Variants in JAM2 observed in about 807,000 individuals in gnomAD.
JAM2 encodes junctional adhesion molecule B.
A neutral mutation model predicts 42.0 loss-of-function variants in JAM2; 17 were observed. The observed-to-expected ratio is 0.40, with a 90% CI of 0.28 to 0.61. The LOEUF is 0.61. JAM2 is among the 20% of genes least tolerant of loss of function. JAM2 has a pLI of 0.37. For synonymous variants in JAM2, 118 were observed against 128.6 expected (o/e 0.92, Z 0.56); for missense variants, 319 against 358.3 (o/e 0.89, Z 0.89).
At chr21:25,669,285 C>G (rs73161729) in intron 1 of JAM2, among the ~76,000 whole-genome samples, 14,879 of 151,722 alleles carry the variant, frequency 0.098, 868 homozygotes, top group Middle Eastern at 0.15. Flanking sequence ...GGTGGGGGAT[C>G]ACCTGAGCCC....
chr21:25,647,398 A>G (rs375536985), intron 1 of JAM2, among the ~76,000 whole-genome samples: 1 of 152,220 alleles, frequency 6.6e-6, no homozygotes, highest in African/African-American at 2.4e-5. Flanking sequence ...AGAAATAAAG[A>G]TCACAATTTA....
At chr21:25,655,738 C>A (rs184370817) in intron 1 of JAM2, among the ~76,000 whole-genome samples, 1 of 149,378 alleles carries the variant, frequency 6.7e-6, no homozygotes, top group African/African-American at 2.5e-5. Context: ...TCAGGTGATC[C>A]GCCTGCCTTG....
intron 5 of JAM2, among the ~76,000 whole-genome samples, chr21:25,701,693 G>A (rs1270932087): frequency 6.6e-6 from 1 of 152,162 alleles, no homozygotes; most frequent in Non-Finnish European, 1.5e-5. Flanking sequence ...TAGGCCCTAA[G>A]CTACTTCCTG....
intron 1 of JAM2, among the ~76,000 whole-genome samples, chr21:25,667,767 C>T (rs989442095): frequency 5.9e-5 from 9 of 152,176 alleles, no homozygotes; most frequent in African/African-American, 2.2e-4. Flanking sequence ...AAGCATTGTT[C>T]TTCGCCCTTG....
At chr21:25,663,809 C>A (rs1423204581) in intron 1 of JAM2, among the ~76,000 whole-genome samples, 1 of 152,118 alleles carries the variant, frequency 6.6e-6, no homozygotes, top group Non-Finnish European at 1.5e-5. Flanking sequence ...ATAAATTACC[C>A]CATTTCAGGT....
At chr21:25,706,165 G>A (rs1245941578) in intron 7 of JAM2, 79 bp downstream of exon 7, 2 of 958,024 alleles carry the variant, frequency 2.1e-6, no homozygotes, top group Non-Finnish European at 3.4e-6. Flanking sequence ...TTTCTCCTAG[G>A]AAGTTGTTTT....
chr21:25,709,577 A>C, intron 8 of JAM2, 128 bp downstream of exon 8: 3 of 557,466 alleles, frequency 5.4e-6, no homozygotes. Context: ...GAAGTTACTC[A>C]AGTTTATCAA....
intron 1 of JAM2, among the ~76,000 whole-genome samples, chr21:25,670,904 G>C (rs554816007): frequency 3.0e-4 from 45 of 152,166 alleles, no homozygotes; most frequent in Non-Finnish European, 5.9e-4. Context: ...ACTAATCAAA[G>C]GAAGCATGAA....
intron 4 of JAM2, among the ~76,000 whole-genome samples, chr21:25,697,160 G>C (rs1022558874): frequency 6.6e-6 from 1 of 151,880 alleles, no homozygotes; most frequent in African/African-American, 2.4e-5. Flanking sequence ...CTTGTGCCTT[G>C]AATATCTGAC....
intron 1 of JAM2, among the ~76,000 whole-genome samples, chr21:25,657,889 C>A (rs2032981798): frequency 6.6e-6 from 1 of 151,994 alleles, no homozygotes; most frequent in Non-Finnish European, 1.5e-5. Context: ...TAGAACAGAG[C>A]CTGTTTTGGA....
At chr21:25,665,900 C>T (rs2033206204) in intron 1 of JAM2, among the ~76,000 whole-genome samples, 2 of 151,974 alleles carry the variant, frequency 1.3e-5, no homozygotes, top group South Asian at 2.1e-4. Flanking sequence ...ATGAGCCAGG[C>T]GTGGTGGTGC....
chr21:25,698,995 A>G, intron 5 of JAM2, 116 bp downstream of exon 5: 1 of 860,664 alleles, frequency 1.2e-6, no homozygotes, highest in East Asian at 2.6e-5. Context: ...AAGTGGAGAG[A>G]GGCAGGGGCA....
chr21:25,702,360 G>C, intron 6 of JAM2, 91 bp downstream of exon 6: 1 of 658,720 alleles, frequency 1.5e-6, no homozygotes, highest in Non-Finnish European at 2.6e-6. Context: ...AGCAGGAAAT[G>C]TCTGAGTGAC....
rs771511533 is a variant in JAM2, at chr21:25,693,827, G to C, written c.313G>C (p.Gly105Arg). ...CAAAAATGTGACAAGAAGTGATGCGGGGAAATATCGTTGTGAAGTTAGTGC... is the reference window on the plus strand; with the variant it reads ...CAAAAATGTGACAAGAAGTGATGCGCGGAAATATCGTTGTGAAGTTAGTGC... The part of the protein sequence containing the change: ...RIKNVTRSDA[G>R]KYRCEVSAPS... The change falls in exon 4 of 10, where the codon GGG (glycine) becomes CGG (arginine). Residue 105 changes from glycine to arginine, a missense_variant. Gly to Arg is a moderately radical substitution (Grantham distance 125). Transcript: ENST00000480456. 1.9e-6 allele frequency: 3 copies of C among 1,614,134 alleles called. No individual in the cohort carries two copies. Among genetic ancestry groups the C allele is most frequent in the Non-Finnish European group, 2.5e-6 (3 of 1,179,966 alleles).
At position 25,715,572 on chromosome 21, in the gene JAM2, A is replaced by G. The variant is rs2034462822; in HGVS notation, c.*900A>G. ...ACATTCCGGGCCAAGTCCCTTAGTC[A>G]GGGGTTGACAATTCTGCTTTTGGAC... is the stretch of plus-strand genomic sequence containing the variant. On this transcript the variant is annotated 3_prime_UTR_variant, in exon 10 of 10. Coordinates refer to ENST00000480456, the MANE Select transcript of JAM2 (RefSeq NM_021219.4). 1 of 152,226 alleles carries G rather than the reference A, an allele frequency of 6.6e-6. No homozygotes were observed. The highest frequency in any genetic ancestry group is 2.4e-5 in the African/African-American group (1 of 41,464). The allele number at this position is 152,226 out of a possible 1,614,324, so 9.4% of individuals were successfully genotyped here. A position where few individuals can be genotyped will look rare whatever the true frequency, so the allele number is the denominator to read the frequency against.
At chr21:25,668,845 G>T (rs1460485398) in intron 1 of JAM2, among the ~76,000 whole-genome samples, 1 of 152,200 alleles carries the variant, frequency 6.6e-6, no homozygotes, top group Non-Finnish European at 1.5e-5. Flanking sequence ...GAAAAACTAG[G>T]AAAGTGTGTT....
At chr21:25,642,706 A>C (rs1413126911) in intron 1 of JAM2, among the ~76,000 whole-genome samples, 1 of 152,210 alleles carries the variant, frequency 6.6e-6, no homozygotes, top group African/African-American at 2.4e-5. Context: ...CCATTAGGAA[A>C]GGAATTTCTT....
chr21:25,687,133 T>C (rs1197341357), intron 2 of JAM2, among the ~76,000 whole-genome samples: 6 of 152,194 alleles, frequency 3.9e-5, no homozygotes, highest in African/African-American at 1.2e-4. Flanking sequence ...AAGTATATAT[T>C]TCTACGTCAA....
At chr21:25,643,534 A>G (rs1443975549) in intron 1 of JAM2, 2 of 152,170 alleles carry the variant, frequency 1.3e-5, no homozygotes, top group African/African-American at 4.8e-5. Context: ...ACTGACCCAA[A>G]ACAGCACTCC....
Sources: allele counts gnomAD v4.1 joint callset (sites outside exome capture counted in the v4.1 genomes callset), GRCh38; gene constraint gnomAD v4.1.1; transcripts MANE v1.5; gene names NCBI Gene and HGNC (gene_info 2026-07-23, HGNC 2026-07-21).